The following PRKAB1 variants were observed in gnomAD, a reference collection of about 807,000 sequenced individuals.
PRKAB1 encodes the protein 5'-AMP-activated protein kinase subunit beta-1.
In PRKAB1, 18 loss-of-function variants were observed where a neutral mutation model predicts 32.0. The ratio of observed to expected loss-of-function variants is 0.56; its 90% CI spans 0.39 to 0.83. The LOEUF (loss-of-function observed/expected upper bound fraction) is 0.83, where lower values mean the gene tolerates loss of function less well. Ranked by LOEUF, PRKAB1 falls within the 40% of genes least tolerant of loss-of-function variation. The probability of loss-of-function intolerance (pLI) is 0.00; values close to 1 mark genes in which losing one functional copy is unlikely to be tolerated. For synonymous variants in PRKAB1, 141 were observed against 141.4 expected (o/e 1.00, Z 0.02); for missense variants, 263 against 352.6 (o/e 0.75, Z 2.03).
In PRKAB1 at chr12:119,679,755, GA is replaced by G; in HGVS notation, c.667-176del. The G allele has an allele frequency of 1.6e-6, 1 of 642,204 alleles. No homozygotes were observed. Among genetic ancestry groups the G allele is most frequent in the Non-Finnish European group, 2.8e-6 (1 of 355,962 alleles). 39.8% of individuals were successfully genotyped at this position (642,204 alleles called of 1,614,324 possible). On this transcript the variant is annotated intron_variant, in intron 5 of 6. Coordinates refer to ENST00000229328, the MANE Select transcript of PRKAB1 (RefSeq NM_006253.5). The surrounding 1 kb of genome is among the most constrained non-coding windows in gnomAD (Gnocchi z 4.1). ...CATGCAGGGAGCTCCCTTCAGGTCA[GA>G]AGGCGTGACCTTCATCTCACCTGTC...
At chr12:119,669,041 C>T (rs1955363583) in intron 1 of PRKAB1, among the ~76,000 whole-genome samples, 1 of 151,366 alleles carries the variant, frequency 6.6e-6, no homozygotes, top group Admixed American at 6.6e-5. Context: ...GGCGTGAACC[C>T]GGGAGGCGCA....
Position 119,668,190 on chromosome 12 carries a change from C to A in PRKAB1, c.-55C>A. 2.7e-6 allele frequency: 4 copies of A among 1,486,588 alleles called. No individual in the cohort carries two copies. The highest frequency in any genetic ancestry group is 3.6e-6 in the Non-Finnish European group (4 of 1,124,438). 92.1% of individuals were successfully genotyped at this position (1,486,588 alleles called of 1,614,324 possible). Reference sequence around the variant, plus strand: ...TTCCGGGAGTCCCTTGCTCAGGGTCCCTTTCCTGCAGTGAGGCGCCGTCCG... The same window carrying A: ...TTCCGGGAGTCCCTTGCTCAGGGTCACTTTCCTGCAGTGAGGCGCCGTCCG... On this transcript the variant is annotated 5_prime_UTR_variant, in exon 1 of 7. Transcript: ENST00000229328.
At position 119,674,579 on chromosome 12, in the gene PRKAB1, A is replaced by G. The variant is rs1409967057; in HGVS notation, c.532+125A>G. The G allele has an allele frequency of 1.6e-6, 1 of 632,092 alleles. No individual in the cohort carries two copies. Among genetic ancestry groups the G allele is most frequent in the Non-Finnish European group, 2.7e-6 (1 of 375,694 alleles). 39.2% of individuals were successfully genotyped at this position (632,092 alleles called of 1,614,324 possible). A position where few individuals can be genotyped will look rare whatever the true frequency, so the allele number is the denominator to read the frequency against. Reference sequence around the variant, plus strand: ...AGTCAGATAGGCATTTATAGCCCCCACTTAAAGGCCACAGAACTTAATTCC... The same window carrying G: ...AGTCAGATAGGCATTTATAGCCCCCGCTTAAAGGCCACAGAACTTAATTCC... On this transcript the variant is annotated intron_variant, in intron 4 of 6. Coordinates refer to ENST00000229328, the MANE Select transcript of PRKAB1 (RefSeq NM_006253.5). This position sits in a 1 kb window ranked among gnomAD's most constrained non-coding sequence, Gnocchi z 4.3.
At chr12:119,671,500 CAGA>C in intron 1 of PRKAB1, 1 of 416,342 alleles carries the variant, frequency 2.4e-6, no homozygotes. Flanking sequence ...CACAGGACGG[CAGA>C]AGAGAATGAG....
Position 119,676,781 on chromosome 12 carries a change from C to T in PRKAB1, c.666+111C>T. The T allele has an allele frequency of 3.6e-6, 5 of 1,387,910 alleles. No individual in the cohort carries two copies. The South Asian group carries it at 5.5e-5, about 15-fold the overall frequency. The allele number at this position is 1,387,910 out of a possible 1,614,324, so 86.0% of individuals were successfully genotyped here. A position where few individuals can be genotyped will look rare whatever the true frequency, so the allele number is the denominator to read the frequency against. On this transcript the variant is annotated intron_variant, in intron 5 of 6. Transcript: ENST00000229328. ...CTGGTGAGCAAGCTCAGTGTCACCCCCTAGTGTGAACTGTGCCGTTCACCT... is the reference window on the plus strand; with the variant it reads ...CTGGTGAGCAAGCTCAGTGTCACCCTCTAGTGTGAACTGTGCCGTTCACCT...
At chr12:119,676,158 A>G (rs576835693) in intron 4 of PRKAB1, among the ~76,000 whole-genome samples, 52 of 152,244 alleles carry the variant, frequency 3.4e-4, no homozygotes, top group Non-Finnish European at 5.4e-4. Context: ...TAGCTACTCA[A>G]TCCTCACTTA....
chr12:119,675,735 T>C (rs1340996092), intron 4 of PRKAB1, among the ~76,000 whole-genome samples: 1 of 152,216 alleles, frequency 6.6e-6, no homozygotes, highest in East Asian at 1.9e-4. Flanking sequence ...TTGGGTCACA[T>C]AAACGGGGCT....
Position 119,674,644 on chromosome 12 carries a change from T to C in PRKAB1, c.532+190T>C, listed in dbSNP as rs1955409876. ...AATTTAGCCCTAAGGGAGCTACAAG[T>C]CATTTCCCTGGTCATCTCAGGTATT... On this transcript the variant is annotated intron_variant, in intron 4 of 6. Transcript: ENST00000229328. This position sits in a 1 kb window ranked among gnomAD's most constrained non-coding sequence, Gnocchi z 4.3. 6.6e-6 allele frequency among the ~76,000 whole-genome samples: 1 copy of C among 152,172 alleles called. No individual in the cohort carries two copies. The highest frequency in any genetic ancestry group is 2.1e-4 in the South Asian group (1 of 4,832).
rs1006879264 is a variant in PRKAB1 at position 119,672,595 on chromosome 12, A to G, written c.323+131A>G. 65 of 1,029,470 alleles carry G rather than the reference A, an allele frequency of 6.3e-5. 1 individual carries two copies. In the East Asian group the frequency reaches 7.9e-4, roughly 13 times the overall value. The allele number at this position is 1,029,470 out of a possible 1,614,324, so 63.8% of individuals were successfully genotyped here. On this transcript the variant is annotated intron_variant, in intron 2 of 6. Coordinates refer to ENST00000229328, the MANE Select transcript of PRKAB1 (RefSeq NM_006253.5). ...CCTAGTGGAAAAATAATTTTGCTTAATAAGTCTTAAGGTTCAAATGTTAAA... is the reference window on the plus strand; with the variant it reads ...CCTAGTGGAAAAATAATTTTGCTTAGTAAGTCTTAAGGTTCAAATGTTAAA...
At position 119,668,189 on chromosome 12, in the gene PRKAB1, C is replaced by CCCTTTCCTGCAGTGAGGCGCCGTCCG; in HGVS notation, c.-51_-26dup. 1 of 1,483,598 alleles carries CCCTTTCCTGCAGTGAGGCGCCGTCCG rather than the reference C, an allele frequency of 6.7e-7. No homozygotes were observed. Among genetic ancestry groups the CCCTTTCCTGCAGTGAGGCGCCGTCCG allele is most frequent in the Non-Finnish European group, 8.9e-7 (1 of 1,122,828 alleles). 91.9% of individuals were successfully genotyped at this position (1,483,598 alleles called of 1,614,324 possible). On this transcript the variant is annotated 5_prime_UTR_variant, in exon 1 of 7. Transcript: ENST00000229328. ...GTTCCGGGAGTCCCTTGCTCAGGGTCCCTTTCCTGCAGTGAGGCGCCGTCC... is the reference window on the plus strand; with the variant it reads ...GTTCCGGGAGTCCCTTGCTCAGGGTCCCTTTCCTGCAGTGAGGCGCCGTCCGCCTTTCCTGCAGTGAGGCGCCGTCC...
chr12:119,673,931 C>G (rs746645237), intron 2 of PRKAB1, 33 bp from the exon 3 acceptor site: 16 of 1,587,326 alleles, frequency 1.0e-5, no homozygotes, highest in Non-Finnish European at 1.4e-5. Flanking sequence ...CAGCCCACCC[C>G]ACGGAAGTCC....
rs780916538 is a variant in PRKAB1 at position 119,672,192 on chromosome 12, C to T, written c.160-109C>T. The T allele has an allele frequency of 1.8e-5, 22 of 1,200,422 alleles. No homozygotes were observed. The African/African-American group carries it at 3.0e-4, about 16-fold the overall frequency. 74.4% of individuals were successfully genotyped at this position (1,200,422 alleles called of 1,614,324 possible). A position where few individuals can be genotyped will look rare whatever the true frequency, so the allele number is the denominator to read the frequency against. ...AGGCACCACTAGTAAGTTTCCGATC[C>T]TAACCATGAACCAAGATAGTAACAG... is the stretch of plus-strand genomic sequence containing the variant. On this transcript the variant is annotated intron_variant, in intron 1 of 6. Coordinates refer to ENST00000229328, the MANE Select transcript of PRKAB1 (RefSeq NM_006253.5).
At chr12:119,676,179 T>C (rs1026690475) in intron 4 of PRKAB1, among the ~76,000 whole-genome samples, 3 of 152,208 alleles carry the variant, frequency 2.0e-5, no homozygotes, top group Non-Finnish European at 1.5e-5. Flanking sequence ...GCCTCCAGCT[T>C]CTTTGTGGTT....
intron 6 of PRKAB1, 117 bp from the exon 7 acceptor site, chr12:119,680,131 C>T (rs1361426781): frequency 2.1e-5 from 31 of 1,482,398 alleles, no homozygotes; most frequent in Non-Finnish European, 2.9e-5. Flanking sequence ...CCATCAGGCT[C>T]AGGTTCTGAA....
In PRKAB1 at chr12:119,672,389, G is replaced by A. The variant is rs201397246; in HGVS notation, c.248G>A (p.Arg83Gln). The change falls in exon 2 of 7, where the codon CGA becomes CAA. Residue 83 changes from arginine to glutamine, a missense_variant. Physicochemically the swap from Arg to Gln is conservative, Grantham distance 43. Transcript: ENST00000229328. ...APAQARPTVF[R>Q]WTGGGKEVYL... is the part of the protein sequence containing the mutation. ...GCCCAGGCTCGGCCAACGGTGTTTC[G>A]ATGGACGGGGGGCGGAAAGGAAGTT... The A allele has an allele frequency of 2.2e-5, 35 of 1,612,648 alleles. No homozygotes were observed. In the East Asian group the frequency reaches 4.2e-4, roughly 20 times the overall value.
upstream of PRKAB1, chr12:119,668,107 C>G: frequency 9.0e-7 from 1 of 1,112,260 alleles, no homozygotes; most frequent in South Asian, 2.0e-5. Flanking sequence ...GCTCCCGGCC[C>G]GAGGGGCGTG....
rs1471973913 is a variant in PRKAB1, at chr12:119,674,481, A to T, written c.532+27A>T. 6.7e-7 allele frequency: 1 copy of T among 1,485,564 alleles called. No individual in the cohort carries two copies. The highest frequency in any genetic ancestry group is 9.4e-7 in the Non-Finnish European group (1 of 1,063,810). The allele number at this position is 1,485,564 out of a possible 1,614,324, so 92.0% of individuals were successfully genotyped here. Reference sequence around the variant, plus strand: ...TATGAACACAGTTATTTTATACCACATGCGTGCAGGTGGGGGCTGTACAGT... The same window carrying T: ...TATGAACACAGTTATTTTATACCACTTGCGTGCAGGTGGGGGCTGTACAGT... On this transcript the variant is annotated intron_variant, in intron 4 of 6. Transcript: ENST00000229328. This position sits in a 1 kb window ranked among gnomAD's most constrained non-coding sequence, Gnocchi z 4.3.
intron 4 of PRKAB1, 57 bp from the exon 5 acceptor site, chr12:119,676,480 G>A (rs986477833): frequency 4.5e-5 from 68 of 1,496,566 alleles, no homozygotes; most frequent in Non-Finnish European, 6.1e-5. Context: ...ACATAAGTAA[G>A]GCTGCTCCTA....
rs1382051084 is a variant in PRKAB1, at chr12:119,676,613, C to T, written c.609C>T (p.Pro203=). The T allele has an allele frequency of 7.4e-6, 12 of 1,614,064 alleles. No homozygotes were observed. The highest frequency in any genetic ancestry group is 9.3e-6 in the Non-Finnish European group (11 of 1,179,992). Residue 203 remains proline, a synonymous_variant, in exon 5 of 7, where the codon CCC becomes CCT. Coordinates refer to ENST00000229328, the MANE Select transcript of PRKAB1 (RefSeq NM_006253.5). ...VCKPEERFRA[P]PILPPHLLQV... Reference sequence around the variant, plus strand: ...AACCCGAAGAGCGCTTTCGGGCACCCCCTATTCTCCCCCCACATCTCCTCC... The same window carrying T: ...AACCCGAAGAGCGCTTTCGGGCACCTCCTATTCTCCCCCCACATCTCCTCC...
Sources: gnomAD v4.1 joint callset for allele counts (sites outside exome capture counted in the v4.1 genomes callset) on GRCh38, gnomAD v4.1.1 for gene constraint, Gnocchi (gnomAD v3.1) non-coding constraint, MANE v1.5 for transcripts, NCBI Gene and HGNC (gene_info 2026-07-23, HGNC 2026-07-21) for gene names.